ZNG1E: variants seen among roughly 807,000 people sequenced by gnomAD.
The protein encoded by ZNG1E is zinc-regulated GTPase metalloprotein activator 1E.
At chr9:65,675,196 A>G in the ZNG1E span, among the ~76,000 whole-genome samples, 1 of 152,280 alleles carries the variant, frequency 6.6e-6, no homozygotes, top group Non-Finnish European at 1.5e-5. Context: ...AGGTACGTGT[A>G]ACTTACTGGT....
At chr9:65,714,388 G>A in the ZNG1E span, among the ~76,000 whole-genome samples, 1 of 151,638 alleles carries the variant, frequency 6.6e-6, no homozygotes, top group Admixed American at 6.6e-5. Context: ...GCTTTGTTCT[G>A]TTGTTGGTGA....
chr9:65,665,428 G>C, the ZNG1E span, among the ~76,000 whole-genome samples: 20 of 152,262 alleles, frequency 1.3e-4, no homozygotes, highest in African/African-American at 4.6e-4. Flanking sequence ...GAGCCTGCGG[G>C]TGCACAGAAG....
At chr9:65,714,889 A>T in the ZNG1E span, among the ~76,000 whole-genome samples, 3 of 151,920 alleles carry the variant, frequency 2.0e-5, no homozygotes, top group Non-Finnish European at 4.4e-5. Context: ...GAGCCTACAG[A>T]GGCAGGCAGG....
chr9:65,713,214 T>C, the ZNG1E span, among the ~76,000 whole-genome samples: 4 of 138,608 alleles, frequency 2.9e-5, no homozygotes, highest in Non-Finnish European at 4.6e-5. Flanking sequence ...CTTGGTAGAT[T>C]TTCCTCCATC....
At chr9:65,663,786 A>G in the ZNG1E span, among the ~76,000 whole-genome samples, 11 of 150,744 alleles carry the variant, frequency 7.3e-5, 1 homozygote, top group Middle Eastern at 0.014. Flanking sequence ...AAATTTTAAA[A>G]ATAATTTTAT....
chr9:65,662,407 C>T, the ZNG1E span, among the ~76,000 whole-genome samples: 2 of 152,258 alleles, frequency 1.3e-5, no homozygotes, highest in African/African-American at 4.8e-5. Context: ...TGAATAAGGT[C>T]TCTGGTTTTG....
chr9:65,678,095 G>GTTTT, the ZNG1E span, among the ~76,000 whole-genome samples: 1 of 141,624 alleles, frequency 7.1e-6, no homozygotes. Flanking sequence ...GTCTTAAAGT[G>GTTTT]TTTTTTTTTT....
chr9:65,727,303 T>G, the ZNG1E span, among the ~76,000 whole-genome samples: 5 of 148,880 alleles, frequency 3.4e-5, no homozygotes, highest in Non-Finnish European at 5.9e-5. Flanking sequence ...TCACAGGACC[T>G]ATAAAACAAA....
chr9:65,722,698 T>TTTTTTTA, the ZNG1E span, among the ~76,000 whole-genome samples: 1 of 45,646 alleles, frequency 2.2e-5, no homozygotes, highest in African/African-American at 8.1e-5. Flanking sequence ...GCCTAGCTAA[T>TTTTTTTA]TTTTTTTTTT....
the ZNG1E span, among the ~76,000 whole-genome samples, chr9:65,709,997 A>G: frequency 6.7e-6 from 1 of 148,802 alleles, no homozygotes; most frequent in Non-Finnish European, 1.5e-5. Flanking sequence ...CTATTTCTCC[A>G]CATCCTCTCC....
At chr9:65,671,489 T>C in the ZNG1E span, among the ~76,000 whole-genome samples, 1 of 151,876 alleles carries the variant, frequency 6.6e-6, no homozygotes, top group African/African-American at 2.4e-5. Context: ...CCAGCTAATT[T>C]TTGTATTTTT....
chr9:65,673,899 G>A, the ZNG1E span, among the ~76,000 whole-genome samples: 1 of 152,302 alleles, frequency 6.6e-6, no homozygotes, highest in Non-Finnish European at 1.5e-5. Context: ...AAAGAAGGTG[G>A]TGAGGGCTGT....
chr9:65,687,127 T>C, the ZNG1E span, among the ~76,000 whole-genome samples: 1 of 145,380 alleles, frequency 6.9e-6, no homozygotes, highest in African/African-American at 2.6e-5. Context: ...CATAATCATT[T>C]CTAGCTCTTG....
chr9:65,710,491 A>T, the ZNG1E span, among the ~76,000 whole-genome samples: 12 of 141,760 alleles, frequency 8.5e-5, no homozygotes, highest in South Asian at 2.2e-4. Flanking sequence ...GTTTTAGGTC[A>T]AACGTTTAAG....
At chr9:65,662,963 A>G in the ZNG1E span, among the ~76,000 whole-genome samples, 2 of 152,222 alleles carry the variant, frequency 1.3e-5, no homozygotes, top group African/African-American at 2.4e-5. Context: ...TTAGAATTCA[A>G]AGTCTGATTC....
chr9:65,722,697 A>ATTTTTTTATTTTTTTTTTTTTTTT, the ZNG1E span, among the ~76,000 whole-genome samples: 1 of 8,396 alleles, frequency 1.2e-4, no homozygotes. Flanking sequence ...TGCCTAGCTA[A>ATTTTTTTATTTTTTTTTTTTTTTT]TTTTTTTTTT....
the ZNG1E span, among the ~76,000 whole-genome samples, chr9:65,667,062 C>T: frequency 4.6e-5 from 7 of 152,376 alleles, no homozygotes; most frequent in South Asian, 4.1e-4. Context: ...CTCAGGTGAT[C>T]CACCTGTCTT....
the ZNG1E span, among the ~76,000 whole-genome samples, chr9:65,658,197 T>C: frequency 2.7e-5 from 4 of 149,846 alleles, no homozygotes; most frequent in Admixed American, 1.3e-4. Flanking sequence ...TTCACAACTT[T>C]AAAAAATATC....
At chr9:65,679,668 C>T in the ZNG1E span, 1,340 of 259,528 alleles carry the variant, frequency 5.2e-3, no homozygotes, top group African/African-American at 0.029. Flanking sequence ...GATTCTCCTG[C>T]CTCAGCCTCT....
Sources: gnomAD v4.1 joint callset for allele counts (sites outside exome capture counted in the v4.1 genomes callset) on GRCh38, gnomAD v4.1.1 for gene constraint, MANE v1.5 for transcripts, NCBI Gene and HGNC (gene_info 2026-07-23, HGNC 2026-07-21) for gene names.